The following BCAT1 variants were observed in gnomAD, a reference collection of about 807,000 sequenced individuals.
The protein encoded by BCAT1 is branched chain amino acid transaminase 1.
BCAT1 carries 48 observed loss-of-function variants against 52.4 expected under a neutral mutation model. The observed-to-expected ratio is 0.92, with a 90% CI of 0.73 to 1.16. The LOEUF (loss-of-function observed/expected upper bound fraction) is 1.16, where lower values mean the gene tolerates loss of function less well. BCAT1 is among the 50% of genes most tolerant of loss of function. The probability of loss-of-function intolerance (pLI) is 0.00; values close to 1 mark genes in which losing one functional copy is unlikely to be tolerated. For synonymous variants in BCAT1, 167 were observed against 161.3 expected (o/e 1.04, Z -0.27); for missense variants, 451 against 457.1 (o/e 0.99, Z 0.12).
intron 5 of BCAT1, among the ~76,000 whole-genome samples, chr12:24,856,392 G>A (rs1941683564): frequency 6.6e-6 from 1 of 152,086 alleles, no homozygotes; most frequent in Admixed American, 6.5e-5. Context: ...GGGTTGAATT[G>A]TGTCCCTAAA....
rs754396132 is a variant in BCAT1 at position 24,811,649 on chromosome 12, T to C, written c.*6359A>G. The stretch of plus-strand genomic sequence containing the variant: ...CACTTTTAGTGAGCTAAAATCCTTT[T>C]AACATAGCCTGCGGATGATCTTTCA... On this transcript the variant is annotated 3_prime_UTR_variant, in exon 11 of 11. Transcript: ENST00000261192. 2.6e-5 allele frequency: 4 copies of C among 152,144 alleles called. No individual in the cohort carries two copies. Among genetic ancestry groups the C allele is most frequent in the Non-Finnish European group, 5.9e-5 (4 of 67,976 alleles). The allele number at this position is 152,144 out of a possible 1,614,324, so 9.4% of individuals were successfully genotyped here.
At chr12:24,932,732 G>A (rs754724842) in intron 1 of BCAT1, among the ~76,000 whole-genome samples, 1 of 152,164 alleles carries the variant, frequency 6.6e-6, no homozygotes, top group African/African-American at 2.4e-5. Flanking sequence ...CACCTCCTGG[G>A]TTCAAGTGAT....
intron 1 of BCAT1, among the ~76,000 whole-genome samples, chr12:24,908,494 T>C (rs1943261789): frequency 6.6e-6 from 1 of 152,202 alleles, no homozygotes. Context: ...CCCCCCACTT[T>C]AGGAGGGTGA....
chr12:24,853,612 T>TA (rs1004381078), intron 5 of BCAT1, among the ~76,000 whole-genome samples: 2 of 152,148 alleles, frequency 1.3e-5, no homozygotes, highest in Non-Finnish European at 2.9e-5. Context: ...TTTTTTTAAT[T>TA]AAAAAAAGTC....
At chr12:24,945,779 A>C (rs1026390393) in intron 1 of BCAT1, 22 of 152,116 alleles carry the variant, frequency 1.4e-4, no homozygotes, top group Admixed American at 1.3e-3. Context: ...AGTAGAGATC[A>C]CTCTGCGGCA....
chr12:24,862,659 GT>G, intron 5 of BCAT1, among the ~76,000 whole-genome samples: 1 of 152,240 alleles, frequency 6.6e-6, no homozygotes, highest in Admixed American at 6.5e-5. Flanking sequence ...CCTATAGCCT[GT>G]TGAATATATA....
rs139501814 is a variant in BCAT1, at chr12:24,906,858, G to A, written c.7-4973C>T. 1.8e-3 allele frequency among the ~76,000 whole-genome samples: 275 copies of A among 152,148 alleles called. 1 individual carries two copies. The highest frequency in any genetic ancestry group is 6.1e-3 in the African/African-American group (254 of 41,502). On this transcript the variant is annotated intron_variant, in intron 1 of 10. Transcript: ENST00000261192. ...TGCCATTTCTCCAACCATGTTATCCGCATCCTAGTACCAAACAGCTTCCAA... is the reference window on the plus strand; with the variant it reads ...TGCCATTTCTCCAACCATGTTATCCACATCCTAGTACCAAACAGCTTCCAA...
At chr12:24,898,520 CTTTTTTTTTTTT>C (rs71448094) in intron 2 of BCAT1, among the ~76,000 whole-genome samples, 2 of 38,536 alleles carry the variant, frequency 5.2e-5, no homozygotes, top group Admixed American at 5.0e-4. Context: ...TCAGTCAACA[CTTTTTTTTTTTT>C]TTTTTTTTTT....
intron 8 of BCAT1, chr12:24,834,347 C>T: frequency 1.0e-6 from 1 of 984,754 alleles, no homozygotes; most frequent in Non-Finnish European, 1.2e-6. Context: ...GTGGTATAAC[C>T]TCATTGACTT....
intron 6 of BCAT1, among the ~76,000 whole-genome samples, chr12:24,846,843 C>T (rs1012058049): frequency 6.6e-6 from 1 of 152,198 alleles, no homozygotes; most frequent in Non-Finnish European, 1.5e-5. Flanking sequence ...CAACCCATAC[C>T]TGCCAGACTG....
chr12:24,887,548 TAAG>T (rs1942717556), intron 3 of BCAT1, among the ~76,000 whole-genome samples: 1 of 152,140 alleles, frequency 6.6e-6, no homozygotes, highest in Non-Finnish European at 1.5e-5. Flanking sequence ...ATCACAAAAG[TAAG>T]AATAATGGTT....
chr12:24,854,610 A>G (rs7966104), intron 5 of BCAT1, among the ~76,000 whole-genome samples: 6,485 of 152,256 alleles, frequency 0.043, 446 homozygotes, highest in African/African-American at 0.15. Flanking sequence ...AAAAGCTACT[A>G]TAGCTGGCTT....
rs1939785016 is a variant in BCAT1 at position 24,814,045 on chromosome 12, C to A, written c.*3963G>T. On this transcript the variant is annotated 3_prime_UTR_variant, in exon 11 of 11. Transcript: ENST00000261192. ...CTCATTGAAAAGCTGGTACCCTTTG[C>A]CTCCTTTTGTGGGGAGATATCTGGA... The A allele has an allele frequency of 1.3e-5, 2 of 152,212 alleles. No homozygotes were observed. The highest frequency in any genetic ancestry group is 2.4e-5 in the African/African-American group (1 of 41,548). 9.4% of individuals were successfully genotyped at this position (152,212 alleles called of 1,614,324 possible).
At chr12:24,947,167 CCACACACACACACACACACA>C (rs57265449) in intron 1 of BCAT1, among the ~76,000 whole-genome samples, 13 of 141,246 alleles carry the variant, frequency 9.2e-5, no homozygotes, top group East Asian at 6.3e-4. Flanking sequence ...CGTCTTCCCT[CCACACACACACACACACACA>C]CACACACACA....
At chr12:24,852,168 C>T (rs992108172) in intron 5 of BCAT1, among the ~76,000 whole-genome samples, 4 of 152,140 alleles carry the variant, frequency 2.6e-5, no homozygotes, top group African/African-American at 9.7e-5. Context: ...CTGTATGTTT[C>T]CTGAGGTCTC....
At chr12:24,914,085 T>C (rs540370705) in intron 1 of BCAT1, among the ~76,000 whole-genome samples, 1,093 of 28,370 alleles carry the variant, frequency 0.039, 9 homozygotes, top group Non-Finnish European at 0.14. Context: ...TAGATTATCT[T>C]TTTTTTTTTT....
At chr12:24,913,523 C>T (rs1408297441) in intron 1 of BCAT1, among the ~76,000 whole-genome samples, 1 of 152,176 alleles carries the variant, frequency 6.6e-6, no homozygotes, top group Non-Finnish European at 1.5e-5. Flanking sequence ...CTCAGGGTTG[C>T]CATCCAACAG....
chr12:24,827,756 C>T (rs1238098438), intron 10 of BCAT1, among the ~76,000 whole-genome samples: 2 of 152,204 alleles, frequency 1.3e-5, no homozygotes, highest in Non-Finnish European at 2.9e-5. Flanking sequence ...TGCACCACTG[C>T]ACCCCAGCCT....
At chr12:24,902,362 G>A (rs2139682289) in intron 1 of BCAT1, 10 of 1,176,560 alleles carry the variant, frequency 8.5e-6, no homozygotes, top group Middle Eastern at 3.5e-4. Flanking sequence ...TCCACCAGCA[G>A]GGTCCTCCGA....
Sources: allele counts gnomAD v4.1 joint callset (sites outside exome capture counted in the v4.1 genomes callset), GRCh38; gene constraint gnomAD v4.1.1; transcripts MANE v1.5; gene names NCBI Gene and HGNC (gene_info 2026-07-23, HGNC 2026-07-21).